The following A1CF variants were observed in gnomAD, a reference collection of about 807,000 sequenced individuals.
The protein encoded by A1CF is APOBEC1 complementation factor.
A neutral mutation model predicts 68.9 loss-of-function variants in A1CF; 48 were observed. The ratio of observed to expected loss-of-function variants is 0.70; its 90% CI spans 0.55 to 0.89. The LOEUF (loss-of-function observed/expected upper bound fraction) is 0.89, where lower values mean the gene tolerates loss of function less well. Among genes scored for constraint, A1CF ranks in the 40% least tolerant of loss-of-function variants. A1CF has a pLI of 0.00. For missense variants in A1CF, 653 were observed against 718.9 expected (o/e 0.91, Z 1.05); for synonymous variants, 272 against 260.4 (o/e 1.04, Z -0.43).
chr10:50,842,497 G>A (rs1839827203), intron 4 of A1CF, among the ~76,000 whole-genome samples: 1 of 152,184 alleles, frequency 6.6e-6, no homozygotes, highest in Non-Finnish European at 1.5e-5. Flanking sequence ...TGTAGTCCCA[G>A]CTACTTGGAA....
chr10:50,815,079 G>A (rs1838301449), intron 9 of A1CF, among the ~76,000 whole-genome samples: 1 of 152,162 alleles, frequency 6.6e-6, no homozygotes, highest in Non-Finnish European at 1.5e-5. Context: ...TAATCTAGAT[G>A]TGCCTTTTTG....
chr10:50,850,246 T>A (rs893662675), intron 3 of A1CF, among the ~76,000 whole-genome samples: 14 of 152,238 alleles, frequency 9.2e-5, no homozygotes, highest in African/African-American at 3.4e-4. Flanking sequence ...AAAGTCTATT[T>A]CCAAGGAAAT....
intron 1 of A1CF, among the ~76,000 whole-genome samples, chr10:50,880,935 T>TAC (rs1841741728): frequency 6.6e-6 from 1 of 152,158 alleles, no homozygotes; most frequent in Non-Finnish European, 1.5e-5. Context: ...TGGGGGTGGT[T>TAC]CTTCTCTCAC....
chr10:50,843,189 A>AACATGTT (rs1389501505), intron 4 of A1CF, among the ~76,000 whole-genome samples: 1 of 152,220 alleles, frequency 6.6e-6, no homozygotes, highest in Admixed American at 6.5e-5. Flanking sequence ...AAATAGTTTG[A>AACATGTT]ACATGTTACA....
At position 50,864,697 on chromosome 10, in the gene A1CF, C is replaced by T. The variant is rs188498980; in HGVS notation, c.-93-617G>A. ...GCAATGGCATGATCTCAGCTCACCG[C>T]AACCTCCGCATCCCAGGTTCAAGCG... On this transcript the variant is annotated intron_variant, in intron 1 of 12. Transcript: ENST00000373997. Among the ~76,000 whole-genome samples the T allele has an allele frequency of 5.7e-3, 875 of 152,236 alleles. 16 individuals carry two copies. Among genetic ancestry groups the T allele is most frequent in the Non-Finnish European group, 4.6e-3 (314 of 68,012 alleles).
At chr10:50,868,731 C>T (rs1841110403) in intron 1 of A1CF, among the ~76,000 whole-genome samples, 1 of 152,282 alleles carries the variant, frequency 6.6e-6, no homozygotes, top group Admixed American at 6.5e-5. Flanking sequence ...AAATTTTCCT[C>T]TGTAGTAGGT....
chr10:50,801,808 T>C lies in A1CF; in HGVS notation c.*4921A>G, dbSNP rs1321760874. 6.6e-6 allele frequency: 1 copy of C among 152,170 alleles called. No homozygotes were observed. The highest frequency in any genetic ancestry group is 1.5e-5 in the Non-Finnish European group (1 of 68,036). 9.4% of individuals were successfully genotyped at this position (152,170 alleles called of 1,614,324 possible). On this transcript the variant is annotated 3_prime_UTR_variant, in exon 13 of 13. Coordinates refer to ENST00000373997, the MANE Select transcript of A1CF (RefSeq NM_014576.4). ...TCTTCAGATGAATGAGGTATTTTGG[T>C]TTTCAGGTTATTTTCCCTTTCTAAA...
intron 6 of A1CF, among the ~76,000 whole-genome samples, chr10:50,832,059 C>T (rs1839271771): frequency 6.6e-6 from 1 of 152,202 alleles, no homozygotes; most frequent in Non-Finnish European, 1.5e-5. Context: ...AATCACCATA[C>T]TGGGTATGTA....
rs1228416600 is a variant in A1CF at position 50,803,018 on chromosome 10, G to A, written c.*3711C>T. On this transcript the variant is annotated 3_prime_UTR_variant, in exon 13 of 13. Coordinates refer to ENST00000373997, the MANE Select transcript of A1CF (RefSeq NM_014576.4). ...CAGCTATTATCAGTATATACTTATA[G>A]TTTAATTTCTATTCCATCATGAAAA... 1 of 152,156 alleles carries A rather than the reference G, an allele frequency of 6.6e-6. No homozygotes were observed. The highest frequency in any genetic ancestry group is 1.5e-5 in the Non-Finnish European group (1 of 68,028). 9.4% of individuals were successfully genotyped at this position (152,156 alleles called of 1,614,324 possible).
At chr10:50,827,715 A>G (rs1386800720) in intron 7 of A1CF, among the ~76,000 whole-genome samples, 1 of 152,204 alleles carries the variant, frequency 6.6e-6, no homozygotes, top group East Asian at 1.9e-4. Context: ...CCCTAACATC[A>G]CAATTAAAAG....
intron 3 of A1CF, among the ~76,000 whole-genome samples, chr10:50,849,210 A>T (rs1370851058): frequency 6.6e-6 from 1 of 152,178 alleles, no homozygotes; most frequent in Non-Finnish European, 1.5e-5. Flanking sequence ...GCTGCAGGGA[A>T]TATTCATTTC....
intron 6 of A1CF, among the ~76,000 whole-genome samples, chr10:50,829,239 G>GT (rs1310101674): frequency 1.3e-5 from 2 of 151,886 alleles, no homozygotes; most frequent in East Asian, 1.9e-4. Context: ...GTTTTGTTTT[G>GT]TTTTTTGGTG....
chr10:50,823,042 T>G (rs1838753132), intron 7 of A1CF: 1 of 152,166 alleles, frequency 6.6e-6, no homozygotes, highest in Non-Finnish European at 1.5e-5. Flanking sequence ...CCAACTTCTG[T>G]CATTTACACC....
At chr10:50,874,176 GC>G (rs1841400084) in intron 1 of A1CF, among the ~76,000 whole-genome samples, 1 of 152,086 alleles carries the variant, frequency 6.6e-6, no homozygotes, top group African/African-American at 2.4e-5. Context: ...TATTCATCTG[GC>G]CCACAGATCA....
intron 7 of A1CF, among the ~76,000 whole-genome samples, chr10:50,826,166 G>C (rs371217319): frequency 6.6e-6 from 1 of 152,102 alleles, no homozygotes; most frequent in Non-Finnish European, 1.5e-5. Flanking sequence ...TCTGAAGATG[G>C]AGGAAACAAT....
At chr10:50,853,586 C>T (rs765714286) in intron 3 of A1CF, among the ~76,000 whole-genome samples, 25 of 151,964 alleles carry the variant, frequency 1.6e-4, no homozygotes, top group Non-Finnish European at 2.9e-4. Context: ...AATACATGAA[C>T]GAGTGAGGGC....
At chr10:50,862,503 T>C (rs563797323) in intron 2 of A1CF, among the ~76,000 whole-genome samples, 1 of 152,330 alleles carries the variant, frequency 6.6e-6, no homozygotes, top group South Asian at 2.1e-4. Context: ...CCTTCACCTT[T>C]CTGATGGTTC....
chr10:50,828,394 G>T, intron 6 of A1CF, 99 bp from the exon 7 acceptor site: 1 of 944,442 alleles, frequency 1.1e-6, no homozygotes, highest in Non-Finnish European at 1.5e-6. Context: ...TGACCCTTGA[G>T]GTCTTGAATG....
chr10:50,872,216 C>T (rs1310684663), intron 1 of A1CF, among the ~76,000 whole-genome samples: 2 of 151,936 alleles, frequency 1.3e-5, no homozygotes, highest in African/African-American at 4.8e-5. Flanking sequence ...TATTATGTGG[C>T]AATATGTAAA....
Sources: gnomAD v4.1 joint callset for allele counts (sites outside exome capture counted in the v4.1 genomes callset) on GRCh38, gnomAD v4.1.1 for gene constraint, MANE v1.5 for transcripts, NCBI Gene and HGNC (gene_info 2026-07-23, HGNC 2026-07-21) for gene names.